Variants in SDCCAG8 observed in about 807,000 individuals in gnomAD.
SDCCAG8 encodes the protein serologically defined colon cancer antigen 8.
A neutral mutation model predicts 101.8 loss-of-function variants in SDCCAG8; 74 were observed. That is an observed-to-expected ratio of 0.73 (90% CI 0.60 to 0.88). The LOEUF (loss-of-function observed/expected upper bound fraction) is 0.88, where lower values mean the gene tolerates loss of function less well. Ranked by LOEUF, SDCCAG8 falls within the 40% of genes least tolerant of loss-of-function variation. The pLI is 0.00. For synonymous variants in SDCCAG8, 281 were observed against 292.9 expected (o/e 0.96, Z 0.41); for missense variants, 787 against 822.6 (o/e 0.96, Z 0.53).
At chr1:243,430,583 C>T (rs1281053588) in intron 16 of SDCCAG8, among the ~76,000 whole-genome samples, 6 of 151,942 alleles carry the variant, frequency 3.9e-5, no homozygotes, top group Non-Finnish European at 7.4e-5. Context: ...GGACCACAGG[C>T]GCCCACCACC....
chr1:243,444,247 T>C (rs1464662852), intron 16 of SDCCAG8, among the ~76,000 whole-genome samples: 3 of 152,194 alleles, frequency 2.0e-5, no homozygotes, highest in Non-Finnish European at 4.4e-5. Flanking sequence ...TCTTTTTATC[T>C]AGAAATACTT....
intron 1 of SDCCAG8, among the ~76,000 whole-genome samples, chr1:243,258,819 A>G (rs1192085812): frequency 6.6e-6 from 1 of 152,210 alleles, no homozygotes; most frequent in Non-Finnish European, 1.5e-5. Context: ...CTATGTAGTA[A>G]GATAAAATGC....
chr1:243,470,530 T>C (rs1002853051), intron 16 of SDCCAG8, among the ~76,000 whole-genome samples: 6 of 151,682 alleles, frequency 4.0e-5, no homozygotes, highest in Admixed American at 3.9e-4. Context: ...GGGGCTGGAT[T>C]CCAAGGAAGC....
chr1:243,257,750 C>G (rs1437263120), intron 1 of SDCCAG8, among the ~76,000 whole-genome samples: 4 of 152,190 alleles, frequency 2.6e-5, no homozygotes, highest in Admixed American at 2.0e-4. Flanking sequence ...ACACCTTCCT[C>G]AACCTACTGA....
At chr1:243,460,983 G>A (rs1417894981) in intron 16 of SDCCAG8, among the ~76,000 whole-genome samples, 2 of 152,146 alleles carry the variant, frequency 1.3e-5, no homozygotes, top group Non-Finnish European at 2.9e-5. Context: ...GTTGAGAAAA[G>A]GTAATTATCA....
chr1:243,489,372 G>C (rs556468991), intron 17 of SDCCAG8, among the ~76,000 whole-genome samples: 3 of 152,224 alleles, frequency 2.0e-5, no homozygotes, highest in Non-Finnish European at 4.4e-5. Context: ...CCCGGCCCGC[G>C]AATCAACGAA....
intron 17 of SDCCAG8, among the ~76,000 whole-genome samples, chr1:243,499,190 A>G (rs1423765507): frequency 1.3e-5 from 2 of 152,238 alleles, no homozygotes; most frequent in Non-Finnish European, 2.9e-5. Context: ...GTATCTGCGT[A>G]AAACTAAGAG....
At chr1:243,316,514 T>C (rs563544393) in intron 8 of SDCCAG8, among the ~76,000 whole-genome samples, 1 of 152,136 alleles carries the variant, frequency 6.6e-6, no homozygotes, top group East Asian at 1.9e-4. Flanking sequence ...CTCTCCACAA[T>C]AGATGATTGT....
chr1:243,467,319 A>G (rs1660350075), intron 16 of SDCCAG8, among the ~76,000 whole-genome samples: 1 of 152,232 alleles, frequency 6.6e-6, no homozygotes, highest in Non-Finnish European at 1.5e-5. Flanking sequence ...GTGGTACCAG[A>G]GGAGAGAACC....
At chr1:243,456,470 A>C (rs2083763761) in intron 16 of SDCCAG8, among the ~76,000 whole-genome samples, 1 of 152,238 alleles carries the variant, frequency 6.6e-6, no homozygotes, top group Non-Finnish European at 1.5e-5. Flanking sequence ...GTATTTTTAA[A>C]AAATGCATGC....
intron 9 of SDCCAG8, among the ~76,000 whole-genome samples, chr1:243,326,348 C>A (rs2074149068): frequency 6.6e-6 from 1 of 152,142 alleles, no homozygotes; most frequent in Admixed American, 6.5e-5. Flanking sequence ...AAGACTTTTT[C>A]TCCCTTTTCA....
intron 13 of SDCCAG8, among the ~76,000 whole-genome samples, chr1:243,405,449 C>A (rs73120303): frequency 1.1e-3 from 174 of 152,276 alleles, no homozygotes; most frequent in African/African-American, 3.8e-3. Context: ...ACCTTCCTTG[C>A]AATAAATATT....
chr1:243,490,662 G>T (rs1040176457), intron 17 of SDCCAG8, among the ~76,000 whole-genome samples: 1 of 152,256 alleles, frequency 6.6e-6, no homozygotes, highest in African/African-American at 2.4e-5. Context: ...CAGGCGGGAT[G>T]CCCCACGGGC....
intron 9 of SDCCAG8, among the ~76,000 whole-genome samples, chr1:243,323,869 G>A (rs2073949338): frequency 6.6e-6 from 1 of 152,084 alleles, no homozygotes; most frequent in Admixed American, 6.5e-5. Flanking sequence ...TCTTTCCCTT[G>A]ATTTAGCTGA....
chr1:243,424,614 T>C (rs2148037317), intron 15 of SDCCAG8, among the ~76,000 whole-genome samples: 1 of 152,182 alleles, frequency 6.6e-6, no homozygotes, highest in Non-Finnish European at 1.5e-5. Flanking sequence ...CACTTATAAA[T>C]AGCCACATTA....
chr1:243,303,342 TATC>T (rs2071731783), intron 6 of SDCCAG8, among the ~76,000 whole-genome samples: 1 of 152,210 alleles, frequency 6.6e-6, no homozygotes, highest in Non-Finnish European at 1.5e-5. Flanking sequence ...GAAGGATAGA[TATC>T]ATATAGAAAC....
intron 12 of SDCCAG8, among the ~76,000 whole-genome samples, chr1:243,349,865 T>C (rs1214940917): frequency 2.0e-5 from 3 of 152,078 alleles, no homozygotes; most frequent in African/African-American, 7.2e-5. Context: ...GTATAAATTA[T>C]AATTTTGGAG....
chr1:243,453,077 A>G (rs2083483421), intron 16 of SDCCAG8, among the ~76,000 whole-genome samples: 1 of 152,244 alleles, frequency 6.6e-6, no homozygotes, highest in South Asian at 2.1e-4. Flanking sequence ...GGCATTGTGA[A>G]GTAGAAAATA....
At chr1:243,345,669 A>G (rs562648649) in intron 12 of SDCCAG8, among the ~76,000 whole-genome samples, 1 of 152,366 alleles carries the variant, frequency 6.6e-6, no homozygotes, top group East Asian at 1.9e-4. Flanking sequence ...CTGCAAAAAT[A>G]CATCAGGAAA....
Sources: gnomAD v4.1 joint callset for allele counts (sites outside exome capture counted in the v4.1 genomes callset) on GRCh38, gnomAD v4.1.1 for gene constraint, MANE v1.5 for transcripts, NCBI Gene and HGNC (gene_info 2026-07-23, HGNC 2026-07-21) for gene names.